The following SHTN1 variants were observed in gnomAD, a reference collection of about 807,000 sequenced individuals.
SHTN1 encodes the protein shootin-1.
SHTN1 carries 42 observed loss-of-function variants against 83.1 expected under a neutral mutation model. That is an observed-to-expected ratio of 0.51 (90% CI 0.39 to 0.65). The LOEUF (loss-of-function observed/expected upper bound fraction) is 0.65. SHTN1 is among the 30% of genes least tolerant of loss of function. SHTN1 has a pLI of 0.00. For synonymous variants in SHTN1, 224 were observed against 247.7 expected (o/e 0.90, Z 0.90); for missense variants, 622 against 737.8 (o/e 0.84, Z 1.82).
Position 116,954,074 on chromosome 10 carries a change from C to A in SHTN1, c.404G>T (p.Cys135Phe). 6.2e-7 allele frequency: 1 copy of A among 1,612,572 alleles called. No individual in the cohort carries two copies. The highest frequency in any genetic ancestry group is 8.5e-7 in the Non-Finnish European group (1 of 1,179,650). Reference sequence around the variant, plus strand: ...TTGCTTCTGACACTGTACTGAGACACAAGTCTCGGCGGCACCGTCTGTGTC... The same window carrying A: ...TTGCTTCTGACACTGTACTGAGACAAAAGTCTCGGCGGCACCGTCTGTGTC... The part of the protein sequence containing the change: ...TTDTDGAAET[C>F]VSVQCQKQIK... The change falls in exon 5 of 17, where the codon TGT becomes TTT. Residue 135 changes from cysteine to phenylalanine, a missense_variant. Coordinates refer to ENST00000355371, the MANE Select transcript of SHTN1 (RefSeq NM_001127211.3).
intron 3 of SHTN1, among the ~76,000 whole-genome samples, chr10:116,964,612 C>A (rs1033149840): frequency 6.6e-6 from 1 of 152,188 alleles, no homozygotes; most frequent in South Asian, 2.1e-4. Flanking sequence ...AAGGAAAGAG[C>A]CATGAAAGTT....
chr10:116,983,687 A>ATAGATAAATAC (rs1851124220), intron 1 of SHTN1, among the ~76,000 whole-genome samples: 4 of 60,254 alleles, frequency 6.6e-5, no homozygotes, highest in African/African-American at 1.8e-4. Flanking sequence ...TAGATAGATA[A>ATAGATAAATAC]ATACATACAT....
chr10:117,079,182 C>G (rs1853216300), intron 1 of SHTN1, among the ~76,000 whole-genome samples: 1 of 137,938 alleles, frequency 7.2e-6, no homozygotes, highest in African/African-American at 2.7e-5. Flanking sequence ...CTATCCCTCC[C>G]CCCCTCCCCC....
At chr10:117,023,898 G>A (rs1280117705) in intron 2 of SHTN1, 1 of 152,648 alleles carries the variant, frequency 6.6e-6, no homozygotes, top group African/African-American at 2.4e-5. Flanking sequence ...TTACTCTTCT[G>A]AAGCTGTTTT....
chr10:116,923,220 T>C (rs577390639), intron 11 of SHTN1, among the ~76,000 whole-genome samples: 3 of 152,344 alleles, frequency 2.0e-5, no homozygotes, highest in African/African-American at 7.2e-5. Context: ...CAGTATTGCC[T>C]ATTTCTTGAT....
rs1361306407 is a variant in SHTN1 at position 117,045,390 on chromosome 10, G to C, written c.-123+3055C>G. ...CCCAGAGGCACAGGCTCACGAAAAA[G>C]CTGAGAACTAGTCACAGGACTATAG... is the stretch of plus-strand genomic sequence containing the variant. On this transcript the variant is annotated intron_variant, in intron 2 of 17. Transcript: ENST00000392901. Among the ~76,000 whole-genome samples the C allele has an allele frequency of 2.6e-5, 4 of 152,250 alleles. No individual in the cohort carries two copies. In the South Asian group the frequency reaches 8.3e-4, roughly 32 times the overall value.
intron 2 of SHTN1, among the ~76,000 whole-genome samples, chr10:117,010,996 C>T (rs374752882): frequency 1.2e-4 from 19 of 152,216 alleles, no homozygotes; most frequent in African/African-American, 4.1e-4. Flanking sequence ...GAAAGCTTTC[C>T]CCCTGAAATT....
upstream of SHTN1, among the ~76,000 whole-genome samples, chr10:117,005,744 C>T (rs1188482240): frequency 1.3e-5 from 2 of 152,194 alleles, no homozygotes; most frequent in Non-Finnish European, 2.9e-5. Flanking sequence ...ATGACCATGC[C>T]GTGAGTGAAG....
rs553104211 is a variant in SHTN1 at position 117,044,396 on chromosome 10, C to T, written c.-123+4049G>A. On this transcript the variant is annotated intron_variant, in intron 2 of 17. Coordinates refer to the SHTN1 transcript ENST00000392901. ...TGTACATTACTTACATACTCACCTA[C>T]ACGAAAGCCTTATAACTATTGGAAA... is the stretch of plus-strand genomic sequence containing the variant. Among the ~76,000 whole-genome samples, 112 of 152,216 alleles carry T rather than the reference C, an allele frequency of 7.4e-4. 2 individuals carry two copies. In the South Asian group the frequency reaches 0.022, roughly 30 times the overall value.
At chr10:116,981,641 AT>A (rs1851023061) in intron 1 of SHTN1, among the ~76,000 whole-genome samples, 1 of 152,218 alleles carries the variant, frequency 6.6e-6, no homozygotes, top group Non-Finnish European at 1.5e-5. Flanking sequence ...AAAGACTTTG[AT>A]TTTAGGTTAC....
rs752735637 is a variant in SHTN1 at position 116,954,115 on chromosome 10, A to T, written c.363T>A (p.Asp121Glu). The T allele has an allele frequency of 1.3e-5, 21 of 1,613,924 alleles. No homozygotes were observed. Among genetic ancestry groups the T allele is most frequent in the Non-Finnish European group, 1.7e-5 (20 of 1,179,964 alleles). ...CGTCTGTGTCTGTAGTCGAATCTTCATCATCAATGTTTATCTCTTCAGTTA... is the reference window on the plus strand; with the variant it reads ...CGTCTGTGTCTGTAGTCGAATCTTCTTCATCAATGTTTATCTCTTCAGTTA... Reference protein sequence around the residue: ...DVITEEINIDDEDSTTDTDGA... With the variant: ...DVITEEINIDEEDSTTDTDGA... The change falls in exon 5 of 17, where the codon GAT becomes GAA. Residue 121 changes from aspartate (D) to glutamate (E), a missense_variant. Asp to Glu is a conservative substitution (Grantham distance 45). Transcript: ENST00000355371.
At chr10:117,030,153 C>T (rs1898347) in intron 2 of SHTN1, among the ~76,000 whole-genome samples, 3,519 of 152,218 alleles carry the variant, frequency 0.023, 131 homozygotes, top group African/African-American at 0.078. Context: ...TCCCAAAGTG[C>T]TGGGATTACA....
intron 8 of SHTN1, among the ~76,000 whole-genome samples, chr10:116,942,117 TAAGA>T (rs1191026653): frequency 1.3e-5 from 2 of 152,182 alleles, no homozygotes; most frequent in African/African-American, 2.4e-5. Flanking sequence ...TTCAGCATTC[TAAGA>T]AAGAGTAATC....
chr10:117,036,464 A>G (rs2048075822), intron 2 of SHTN1, among the ~76,000 whole-genome samples: 1 of 152,236 alleles, frequency 6.6e-6, no homozygotes, highest in Admixed American at 6.5e-5. Context: ...CACAAAAAAG[A>G]ATGAGATCCT....
chr10:116,964,769 G>A (rs1394296688), intron 3 of SHTN1, among the ~76,000 whole-genome samples: 1 of 152,148 alleles, frequency 6.6e-6, no homozygotes, highest in African/African-American at 2.4e-5. Context: ...GATCACCTGA[G>A]GTCAGGAGTT....
intron 2 of SHTN1, among the ~76,000 whole-genome samples, chr10:117,035,592 T>C (rs10886028): frequency 0.65 from 99,149 of 151,888 alleles, 36,118 homozygotes; most frequent in Middle Eastern, 0.84. Flanking sequence ...CGGGGATTAA[T>C]AACCAGAATA....
chr10:117,084,264 G>GA (rs1460978608), intron 1 of SHTN1, among the ~76,000 whole-genome samples: 1 of 152,036 alleles, frequency 6.6e-6, no homozygotes, highest in East Asian at 1.9e-4. Flanking sequence ...CCTTCTAACA[G>GA]ACAGGACCCT....
intron 2 of SHTN1, among the ~76,000 whole-genome samples, chr10:117,024,325 T>C (rs1254147151): frequency 1.3e-5 from 2 of 151,186 alleles, no homozygotes; most frequent in African/African-American, 4.9e-5. Flanking sequence ...GTTGTACAGA[T>C]GTATACACTT....
chr10:117,034,092 A>T (rs1314727417), intron 2 of SHTN1, among the ~76,000 whole-genome samples: 1 of 152,126 alleles, frequency 6.6e-6, no homozygotes, highest in Non-Finnish European at 1.5e-5. Context: ...AATGGGGAAA[A>T]AAATGAAAGC....
Sources: gnomAD v4.1 joint callset for allele counts (sites outside exome capture counted in the v4.1 genomes callset) on GRCh38, gnomAD v4.1.1 for gene constraint, MANE v1.5 for transcripts, NCBI Gene and HGNC (gene_info 2026-07-23, HGNC 2026-07-21) for gene names.